Variants in NRAP observed in about 807,000 individuals in gnomAD.
NRAP encodes the protein nebulin related anchoring protein, also known as nebulin-related-anchoring protein.
A neutral mutation model predicts 225.9 loss-of-function variants in NRAP; 189 were observed. The observed-to-expected ratio is 0.84, with a 90% CI of 0.74 to 0.94. NRAP has a LOEUF of 0.94. Ranked by LOEUF, NRAP falls within the 40% of genes least tolerant of loss-of-function variation. The pLI, the probability that NRAP is intolerant of heterozygous loss-of-function variation, is 0.00. For missense variants in NRAP, 2,176 were observed against 2,168.7 expected (o/e 1.00, Z -0.07); for synonymous variants, 769 against 790.7 (o/e 0.97, Z 0.46).
chr10:113,641,857 G>A (rs553906816), intron 12 of NRAP, among the ~76,000 whole-genome samples: 52 of 152,170 alleles, frequency 3.4e-4, no homozygotes, highest in Non-Finnish European at 5.6e-4. Flanking sequence ...CCCATGCTGA[G>A]GCTGGTACAA....
Position 113,652,781 on chromosome 10 carries a change from G to A in NRAP, c.570+154C>T, listed in dbSNP as rs115575117. On this transcript the variant is annotated intron_variant, in intron 6 of 41. Transcript: ENST00000359988. ...AATCACAGCACAGAGAATACTTGAC[G>A]GGGAAAAGTAAGAACACAGTTTTCT... is the stretch of plus-strand genomic sequence containing the variant. Among the ~76,000 whole-genome samples the A allele has an allele frequency of 3.1e-3, 476 of 152,196 alleles. 3 individuals carry two copies. Among genetic ancestry groups the A allele is most frequent in the African/African-American group, 0.011 (449 of 41,526 alleles).
intron 39 of NRAP, among the ~76,000 whole-genome samples, chr10:113,591,436 G>A (rs1845985290): frequency 6.6e-6 from 1 of 152,142 alleles, no homozygotes; most frequent in African/African-American, 2.4e-5. Flanking sequence ...CTTGTATTTG[G>A]TAACACCCAA....
chr10:113,590,771 T>G lies in NRAP; in HGVS notation c.4763A>C (p.Glu1588Ala), dbSNP rs770419550. 1 of 1,614,216 alleles carries G rather than the reference T, an allele frequency of 6.2e-7. No individual in the cohort carries two copies. The highest frequency in any genetic ancestry group is 1.7e-5 in the Admixed American group (1 of 60,026). Residue 1588 changes from glutamate to alanine, a missense_variant, in exon 40 of 42, where the codon GAG (glutamate) becomes GCG (alanine). Glu to Ala is a moderately radical substitution (Grantham distance 107). Transcript: ENST00000359988. ...ACTCTTGGCAAAGTCCTTCTTGTACTCATTGTCACTCTGGAGCCTGCCAAC... is the reference window on the plus strand; with the variant it reads ...ACTCTTGGCAAAGTCCTTCTTGTACGCATTGTCACTCTGGAGCCTGCCAAC... ...LNVGRLQSDN[E>A]YKKDFAKSRS...
chr10:113,633,003 C>A, intron 16 of NRAP, 81 bp downstream of exon 16: 1 of 793,020 alleles, frequency 1.3e-6, no homozygotes, highest in East Asian at 2.5e-5. Context: ...AGACACTTCC[C>A]ACTTGCTGGA....
At chr10:113,629,140 GC>G in intron 19 of NRAP, 119 bp from the exon 20 acceptor site, 1 of 751,274 alleles carries the variant, frequency 1.3e-6, no homozygotes, top group Non-Finnish European at 2.3e-6. Context: ...ACTGCTCCCT[GC>G]TCCTTTATGG....
intron 16 of NRAP, 44 bp downstream of exon 16, chr10:113,633,040 C>T (rs776283748): frequency 1.1e-5 from 11 of 984,590 alleles, no homozygotes; most frequent in South Asian, 2.6e-5. Context: ...GTTTTCACAT[C>T]GCTCTATAAC....
At chr10:113,601,301 A>G (rs4917663) in intron 35 of NRAP, among the ~76,000 whole-genome samples, 78,091 of 152,090 alleles carry the variant, frequency 0.51, 20,627 homozygotes, top group East Asian at 0.71. Context: ...GGGAGGGCAA[A>G]GTCAGGAGAA....
intron 11 of NRAP, among the ~76,000 whole-genome samples, chr10:113,644,988 A>G (rs1479503305): frequency 6.6e-6 from 1 of 152,136 alleles, no homozygotes; most frequent in African/African-American, 2.4e-5. Flanking sequence ...TCTACAGGGG[A>G]TATTTCCTTG....
At chr10:113,662,804 C>T (rs1374604369) in intron 2 of NRAP, 38 bp from the exon 3 acceptor site, 5 of 1,045,164 alleles carry the variant, frequency 4.8e-6, no homozygotes, top group Non-Finnish European at 7.3e-6. Flanking sequence ...TAGAAATGTA[C>T]TTTATCCAAA....
At chr10:113,623,837 A>C (rs534805458) in intron 22 of NRAP, among the ~76,000 whole-genome samples, 20 of 152,356 alleles carry the variant, frequency 1.3e-4, no homozygotes, top group Non-Finnish European at 2.5e-4. Flanking sequence ...ATAGGGCTTC[A>C]ATCAAAAAAA....
At chr10:113,595,518 G>T in intron 38 of NRAP, 105 bp downstream of exon 38, 1 of 688,602 alleles carries the variant, frequency 1.5e-6, no homozygotes, top group Non-Finnish European at 2.6e-6. Context: ...TCTGTTCCAA[G>T]TCCTCCTTCC....
chr10:113,614,191 G>A lies in NRAP; in HGVS notation c.3292C>T (p.Gln1098Ter). 1 of 1,606,788 alleles carries A rather than the reference G, an allele frequency of 6.2e-7. No individual in the cohort carries two copies. Among genetic ancestry groups the A allele is most frequent in the Non-Finnish European group, 8.5e-7 (1 of 1,173,220 alleles). Residue 1098 changes from glutamine to a stop codon, truncating the protein, a stop_gained, in exon 29 of 42, where the codon CAG becomes TAG. Transcript: ENST00000359988. LOFTEE classifies it high-confidence loss of function. ...LAHSVYATSL[Q>*]SDVNYKKGFE... Reference sequence around the variant, plus strand: ...CCTCTCCCCCCACTTACATCACTCTGCAGTGAGGTCGCATACACTGAATGT... The same window carrying A: ...CCTCTCCCCCCACTTACATCACTCTACAGTGAGGTCGCATACACTGAATGT...
Position 113,589,128 on chromosome 10 carries a change from C to T in NRAP, c.5089-49G>A, listed in dbSNP as rs113256086. ...AGTTAAAATGAAGCTCCCCCACCCCCACTCCCGGCCCCGGTTCCCACAGGA... is the reference window on the plus strand; with the variant it reads ...AGTTAAAATGAAGCTCCCCCACCCCTACTCCCGGCCCCGGTTCCCACAGGA... On this transcript the variant is annotated intron_variant, in intron 41 of 41. Transcript: ENST00000359988. The T allele has an allele frequency of 9.3e-6, 14 of 1,502,692 alleles. No individual in the cohort carries two copies. The Admixed American group carries it at 1.5e-4, about 16-fold the overall frequency. 93.1% of individuals were successfully genotyped at this position (1,502,692 alleles called of 1,614,324 possible).
chr10:113,642,729 G>T (rs1303224948), intron 12 of NRAP, among the ~76,000 whole-genome samples: 1 of 152,150 alleles, frequency 6.6e-6, no homozygotes, highest in African/African-American at 2.4e-5. Flanking sequence ...GAGGACTCAG[G>T]GTCAAGATTG....
chr10:113,607,758 A>G (rs1847084778), intron 32 of NRAP, among the ~76,000 whole-genome samples: 1 of 152,218 alleles, frequency 6.6e-6, no homozygotes, highest in Admixed American at 6.5e-5. Flanking sequence ...TTCAAAATGT[A>G]ATTCTCTGCC....
At chr10:113,597,054 A>C (rs1172556852) in intron 37 of NRAP, 32 bp downstream of exon 37, 22 of 1,419,010 alleles carry the variant, frequency 1.6e-5, no homozygotes, top group Non-Finnish European at 2.0e-5. Context: ...GCTACACTGC[A>C]TGCCCGGGAT....
intron 3 of NRAP, among the ~76,000 whole-genome samples, chr10:113,657,944 G>C (rs1850408628): frequency 6.6e-6 from 1 of 152,088 alleles, no homozygotes; most frequent in South Asian, 2.1e-4. Context: ...TTAAAATGCT[G>C]GCTCCTCAAT....
In NRAP at chr10:113,604,906, AT is replaced by A; in HGVS notation, c.3929del (p.His1310LeufsTer4). 1 of 1,612,138 alleles carries A rather than the reference AT, an allele frequency of 6.2e-7. No homozygotes were observed. Among genetic ancestry groups the A allele is most frequent in the South Asian group, 1.1e-5 (1 of 91,016 alleles). ...GTTTCCCTCGCTCCTTCACAAAGTC[AT>A]GTCTGTAGAGAAACTGCAAGAAAGG... ...GDIASDFLYRHDFVKERGKLI... is the reference protein window; with the variant it reads ...GDIASDFLYRXDFVKERGKLI... On this transcript the variant is annotated frameshift_variant, in exon 35 of 42. Transcript: ENST00000359988. LOFTEE classifies it high-confidence loss of function.
At chr10:113,631,033 C>T (rs1234440552) in intron 18 of NRAP, among the ~76,000 whole-genome samples, 8 of 152,126 alleles carry the variant, frequency 5.3e-5, no homozygotes, top group Admixed American at 2.0e-4. Context: ...TTACAAGCAT[C>T]GTCATTCCGA....
Sources: gnomAD v4.1 joint callset for allele counts (sites outside exome capture counted in the v4.1 genomes callset) on GRCh38, gnomAD v4.1.1 for gene constraint, MANE v1.5 for transcripts, NCBI Gene and HGNC (gene_info 2026-07-23, HGNC 2026-07-21) for gene names.